The following ZRANB3 variants were observed in gnomAD, a reference collection of about 807,000 sequenced individuals.
ZRANB3 encodes the protein DNA annealing helicase and endonuclease ZRANB3.
ZRANB3 carries 125 observed loss-of-function variants against 133.8 expected under a neutral mutation model. That is an observed-to-expected ratio of 0.93 (90% CI 0.81 to 1.08). The LOEUF is 1.08. Among genes scored for constraint, ZRANB3 ranks in the 50% least tolerant of loss-of-function variants. The probability of loss-of-function intolerance (pLI) is 0.00; values close to 1 mark genes in which losing one functional copy is unlikely to be tolerated. For synonymous variants in ZRANB3, 387 were observed against 432.7 expected, an observed-to-expected ratio of 0.89 and a Z score of 1.31; for missense variants, 1,229 against 1,275.5, an observed-to-expected ratio of 0.96 and a Z score of 0.56.
At chr2:135,338,840 G>T (rs1463593786) in intron 6 of ZRANB3, among the ~76,000 whole-genome samples, 1 of 152,124 alleles carries the variant, frequency 6.6e-6, no homozygotes, top group Non-Finnish European at 1.5e-5. Context: ...ATAAATATGT[G>T]AATAACACAT....
At chr2:135,313,071 T>C (rs967502017) in intron 8 of ZRANB3, among the ~76,000 whole-genome samples, 5 of 149,834 alleles carry the variant, frequency 3.3e-5, no homozygotes, top group African/African-American at 1.2e-4. Context: ...ATAATTTAAA[T>C]GAGAAAGTAT....
At chr2:135,283,588 GC>G (rs1219731189) in intron 8 of ZRANB3, among the ~76,000 whole-genome samples, 2 of 149,854 alleles carry the variant, frequency 1.3e-5, no homozygotes, top group Non-Finnish European at 3.0e-5. Context: ...CTGCACTCCA[GC>G]CTGGTGACAG....
At chr2:135,334,633 C>T (rs1302524377) in intron 6 of ZRANB3, among the ~76,000 whole-genome samples, 8 of 151,948 alleles carry the variant, frequency 5.3e-5, no homozygotes, top group Admixed American at 4.6e-4. Flanking sequence ...CGGTAGCTCA[C>T]GTCTATAATC....
Position 135,313,593 on chromosome 2 carries a change from T to C in ZRANB3, c.862A>G (p.Ser288Gly). ...ATTATTTTTTCCCACTCTTCAAAGC[T>C]GGTATTCAATTCCTATGTGGGAAAA... ...PSAAAKELNT[S>G]FEEWEKIMRT... The change falls in exon 8 of 21, where the codon AGC becomes GGC. Residue 288 changes from serine (S) to glycine (G), a missense_variant. Ser to Gly is a moderately conservative substitution (Grantham distance 56). Transcript: ENST00000264159. 6.2e-7 allele frequency: 1 copy of C among 1,610,946 alleles called. No homozygotes were observed. The highest frequency in any genetic ancestry group is 8.5e-7 in the Non-Finnish European group (1 of 1,177,842).
chr2:135,486,798 C>T (rs1200265452), intron 2 of ZRANB3, among the ~76,000 whole-genome samples: 3 of 152,184 alleles, frequency 2.0e-5, no homozygotes, highest in African/African-American at 4.8e-5. Flanking sequence ...CAGGCATGAG[C>T]CACTGCACCC....
chr2:135,324,516 A>T (rs1683703818), intron 6 of ZRANB3, among the ~76,000 whole-genome samples: 1 of 152,072 alleles, frequency 6.6e-6, no homozygotes, highest in Admixed American at 6.6e-5. Context: ...GGTCTTTGCT[A>T]TTGTGAATAG....
chr2:135,294,192 C>G lies in ZRANB3; in HGVS notation c.967-18437G>C, dbSNP rs1226770431. 2.0e-5 allele frequency among the ~76,000 whole-genome samples: 3 copies of G among 152,164 alleles called. 1 individual carries two copies. Among genetic ancestry groups the G allele is most frequent in the East Asian group, 3.9e-4 (2 of 5,190 alleles). On this transcript the variant is annotated intron_variant, in intron 8 of 20. Transcript: ENST00000264159. ...ATGGTACCAGCTCTTCCTTGTACCT[C>G]TCATAGAATTTGGATATGAATCCAT...
chr2:135,412,391 G>C (rs961699205), intron 2 of ZRANB3, among the ~76,000 whole-genome samples: 1 of 152,026 alleles, frequency 6.6e-6, no homozygotes, highest in African/African-American at 2.4e-5. Context: ...TTTTATTAAT[G>C]AAGTGATTTT....
chr2:135,313,560 G>A lies in ZRANB3; in HGVS notation c.895C>T (p.Pro299Ser), dbSNP rs1683105370. 2 of 1,613,700 alleles carry A rather than the reference G, an allele frequency of 1.2e-6. No individual in the cohort carries two copies. Among genetic ancestry groups the A allele is most frequent in the Non-Finnish European group, 8.5e-7 (1 of 1,179,792 alleles). ...ACTGTCTCCATGGCACCTGAATTTG[G>A]AGTTCTCATTATTTTTTCCCACTCT... ...FEEWEKIMRT[P>S]NSGAMETVMG... is the part of the protein sequence containing the mutation. Residue 299 changes from proline (P) to serine (S), a missense_variant, in exon 8 of 21, where the codon CCA becomes TCA. By Grantham distance (74) the Pro-to-Ser change is moderately conservative. Transcript: ENST00000264159.
Position 135,265,527 on chromosome 2 carries a change from A to C in ZRANB3, c.1539+7T>G. 6.2e-7 allele frequency: 1 copy of C among 1,609,816 alleles called. No homozygotes were observed. The highest frequency in any genetic ancestry group is 8.5e-7 in the Non-Finnish European group (1 of 1,178,190). On this transcript the variant is annotated splice_region_variant and intron_variant, in intron 12 of 20. Transcript: ENST00000264159. ...AAAATAGAAAAGAGTAAGGCATATA[A>C]TCTTACGTGAGTGAACAAAGCTTCC...
In ZRANB3 at chr2:135,219,118, C is replaced by A. The variant is rs374940077; in HGVS notation, c.2311G>T (p.Asp771Tyr). The change falls in exon 16 of 21, where the codon GAT (aspartate) becomes TAT (tyrosine). Residue 771 changes from aspartate (D) to tyrosine (Y), a missense_variant. Asp to Tyr is a radical substitution (Grantham distance 160, BLOSUM62 -3). Transcript: ENST00000264159. ...PLDIKLDLWE[D>Y]LPASFQLKQY... The stretch of plus-strand genomic sequence containing the variant: ...TTCAGCTGAAAGCTTGCTGGTAAAT[C>A]TTCCCAAAGGTCTAATTTTATATCC... The A allele has an allele frequency of 4.5e-5, 69 of 1,534,566 alleles. No individual in the cohort carries two copies. In the South Asian group the frequency reaches 6.5e-4, roughly 14 times the overall value.
intron 1 of ZRANB3, among the ~76,000 whole-genome samples, chr2:135,519,480 A>C (rs1258880906): frequency 1.3e-5 from 2 of 152,174 alleles, no homozygotes; most frequent in Non-Finnish European, 2.9e-5. Flanking sequence ...AGACTCAGAA[A>C]GATAAAACTC....
chr2:135,338,252 T>C (rs945768772), intron 6 of ZRANB3, among the ~76,000 whole-genome samples: 4 of 152,160 alleles, frequency 2.6e-5, no homozygotes, highest in Non-Finnish European at 4.4e-5. Context: ...GTGTTAGCCA[T>C]TGGGAATAGA....
intron 2 of ZRANB3, among the ~76,000 whole-genome samples, chr2:135,416,154 GAGGAAGTCA>G (rs1228663173): frequency 6.6e-6 from 1 of 151,868 alleles, no homozygotes; most frequent in African/African-American, 2.4e-5. Context: ...ATTAGGAAAA[GAGGAAGTCA>G]AGTTGTCCCT....
chr2:135,201,850 T>C (rs1693643689), intron 20 of ZRANB3, among the ~76,000 whole-genome samples: 4 of 152,124 alleles, frequency 2.6e-5, no homozygotes, highest in African/African-American at 9.7e-5. Context: ...CCATACCCAG[T>C]GGCAGTTAAA....
At chr2:135,506,996 G>T (rs1235395011) in intron 1 of ZRANB3, among the ~76,000 whole-genome samples, 1 of 152,102 alleles carries the variant, frequency 6.6e-6, no homozygotes, top group Admixed American at 6.5e-5. Flanking sequence ...AAGGAATAGA[G>T]AATGGAGCAA....
At chr2:135,507,617 T>A (rs6723857) in intron 1 of ZRANB3, among the ~76,000 whole-genome samples, 26,771 of 149,346 alleles carry the variant, frequency 0.18, 3,083 homozygotes, top group South Asian at 0.33. Context: ...GTAAAAAATT[T>A]TAAAAAAAAA....
chr2:135,426,601 G>A (rs748152026), intron 2 of ZRANB3, among the ~76,000 whole-genome samples: 11 of 151,442 alleles, frequency 7.3e-5, no homozygotes, highest in Non-Finnish European at 1.3e-4. Flanking sequence ...AGGCTGGGGC[G>A]GGCGGATCAC....
intron 2 of ZRANB3, among the ~76,000 whole-genome samples, chr2:135,499,444 C>T (rs1405720017): frequency 6.6e-6 from 1 of 151,950 alleles, no homozygotes; most frequent in African/African-American, 2.4e-5. Flanking sequence ...CATAAATATA[C>T]CTGATAAAAG....
Sources: gnomAD v4.1 joint callset for allele counts (sites outside exome capture counted in the v4.1 genomes callset) on GRCh38, gnomAD v4.1.1 for gene constraint, MANE v1.5 for transcripts, NCBI Gene and HGNC (gene_info 2026-07-23, HGNC 2026-07-21) for gene names.